TSN: variants seen among roughly 807,000 people sequenced by gnomAD.
TSN encodes translin.
Under a neutral mutation model 29.4 loss-of-function variants are expected in TSN, and 5 were observed. That is an observed-to-expected ratio of 0.17 (90% CI 0.09 to 0.36). The LOEUF (loss-of-function observed/expected upper bound fraction) is 0.36. Ranked by LOEUF, TSN falls within the 10% of genes least tolerant of loss-of-function variation. The pLI is 1.00. For missense variants in TSN, 159 were observed against 272.8 expected (o/e 0.58, Z 2.94); for synonymous variants, 106 against 102.2 (o/e 1.04, Z -0.23).
At chr2:121,761,618 A>C (rs1173952443) in intron 4 of TSN, 94 bp downstream of exon 4, 1 of 981,382 alleles carries the variant, frequency 1.0e-6, no homozygotes, top group African/African-American at 1.6e-5. Context: ...TAAAACAAAC[A>C]AGAATTAACT....
intron 4 of TSN, among the ~76,000 whole-genome samples, chr2:121,762,342 C>G (rs999837181): frequency 6.6e-6 from 1 of 152,026 alleles, no homozygotes; most frequent in Non-Finnish European, 1.5e-5. Context: ...GTTGGCCAGG[C>G]TGGTCTTGAA....
Position 121,766,130 on chromosome 2 carries a change from G to A in TSN, c.*763G>A, listed in dbSNP as rs2074897696. 1 of 152,178 alleles carries A rather than the reference G, an allele frequency of 6.6e-6. No individual in the cohort carries two copies. Among genetic ancestry groups the A allele is most frequent in the Non-Finnish European group, 1.5e-5 (1 of 68,050 alleles). The allele number at this position is 152,178 out of a possible 1,614,324, so 9.4% of individuals were successfully genotyped here. ...TTAAAAATTGTCTTCATGTACATTTGGAACTAACACGTGATGTGATATATT... is the reference window on the plus strand; with the variant it reads ...TTAAAAATTGTCTTCATGTACATTTAGAACTAACACGTGATGTGATATATT... On this transcript the variant is annotated 3_prime_UTR_variant, in exon 6 of 6. Transcript: ENST00000389682.
rs530955585 is a variant in TSN, at chr2:121,766,480, A to C, written c.*1113A>C. ...CACGAAAGCACACACAAAATAAATC[A>C]GTGGGATTTGGTAATGTGTTTTAGA... On this transcript the variant is annotated 3_prime_UTR_variant, in exon 6 of 6. Coordinates refer to ENST00000389682, the MANE Select transcript of TSN (RefSeq NM_004622.3). The C allele has an allele frequency of 6.6e-6, 1 of 152,240 alleles. No homozygotes were observed. Among genetic ancestry groups the C allele is most frequent in the East Asian group, 1.9e-4 (1 of 5,176 alleles). 9.4% of individuals were successfully genotyped at this position (152,240 alleles called of 1,614,324 possible). A position where few individuals can be genotyped will look rare whatever the true frequency, so the allele number is the denominator to read the frequency against.
At chr2:121,760,216 T>G (rs1246782787) in intron 3 of TSN, among the ~76,000 whole-genome samples, 3 of 152,238 alleles carry the variant, frequency 2.0e-5, no homozygotes, top group African/African-American at 7.2e-5. Flanking sequence ...CGAACCCTAT[T>G]GTGGACTGTG....
At chr2:121,757,454 G>A (rs1573386928) in intron 2 of TSN, 121 bp downstream of exon 2, 2 of 1,544,366 alleles carry the variant, frequency 1.3e-6, no homozygotes, top group Non-Finnish European at 1.8e-6. Context: ...AATTGAAGAA[G>A]TAGGTGATTT....
At chr2:121,763,136 AG>A in intron 5 of TSN, 52 bp downstream of exon 5, 496 of 650,432 alleles carry the variant, frequency 7.6e-4, no homozygotes, top group Non-Finnish European at 1.0e-3. Context: ...CTTCACTGTC[AG>A]TTTTTTTTTT....
intron 2 of TSN, 127 bp downstream of exon 2, chr2:121,757,460 G>A (rs1395527671): frequency 1.3e-6 from 2 of 1,536,590 alleles, no homozygotes; most frequent in Non-Finnish European, 1.8e-6. Context: ...AGAAGTAGGT[G>A]ATTTGATAAT....
At chr2:121,757,606 C>G (rs999292684) in intron 2 of TSN, 3 of 472,016 alleles carry the variant, frequency 6.4e-6, no homozygotes, top group Non-Finnish European at 1.1e-5. Context: ...CAGCTCTCTG[C>G]CAGCACAGTA....
In TSN at chr2:121,761,540, AGTGGGAT is replaced by A; in HGVS notation, c.373+17_373+23del. 1 of 1,575,530 alleles carries A rather than the reference AGTGGGAT, an allele frequency of 6.3e-7. No individual in the cohort carries two copies. The highest frequency in any genetic ancestry group is 2.2e-5 in the East Asian group (1 of 44,682). ...ATTCTTGGCAGTAAGTGTCTTTATT[AGTGGGAT>A]CTGCAGAATCAGGCATGGTTGCTTA... On this transcript the variant is annotated intron_variant, in intron 4 of 5. Coordinates refer to ENST00000389682, the MANE Select transcript of TSN (RefSeq NM_004622.3).
chr2:121,758,093 T>C (rs2106452522), intron 2 of TSN, among the ~76,000 whole-genome samples: 1 of 152,294 alleles, frequency 6.6e-6, no homozygotes, highest in African/African-American at 2.4e-5. Flanking sequence ...AGTGATTGAA[T>C]ACCTTTTAAT....
intron 4 of TSN, among the ~76,000 whole-genome samples, chr2:121,762,591 T>C (rs1416011251): frequency 6.6e-6 from 1 of 152,260 alleles, no homozygotes; most frequent in Admixed American, 6.5e-5. Flanking sequence ...GAAAGAATAG[T>C]ACAATGAATA....
chr2:121,758,594 C>A, intron 2 of TSN, 116 bp from the exon 3 acceptor site: 1 of 644,186 alleles, frequency 1.6e-6, no homozygotes, highest in Non-Finnish European at 2.4e-6. Context: ...CAGATGTGTA[C>A]GTTAGTTGTG....
At chr2:121,760,200 G>A (rs568711844) in intron 3 of TSN, among the ~76,000 whole-genome samples, 1 of 152,360 alleles carries the variant, frequency 6.6e-6, no homozygotes, top group African/African-American at 2.4e-5. Context: ...GATTCTCATA[G>A]TAGTGCGAAC....
intron 3 of TSN, among the ~76,000 whole-genome samples, chr2:121,759,828 G>C (rs1004137694): frequency 1.3e-5 from 2 of 152,160 alleles, no homozygotes; most frequent in South Asian, 4.1e-4. Context: ...TAAGGGAGAG[G>C]TTGACAAACC....
In TSN at chr2:121,767,217, G is replaced by A. The variant is rs1228851371; in HGVS notation, c.*1850G>A. On this transcript the variant is annotated 3_prime_UTR_variant, in exon 6 of 6. Coordinates refer to ENST00000389682, the MANE Select transcript of TSN (RefSeq NM_004622.3). Reference sequence around the variant, plus strand: ...GAATTCCATTTGAGGATTTAGAAGTGTCATGTTTATAACTATTCAGTTGTG... The same window carrying A: ...GAATTCCATTTGAGGATTTAGAAGTATCATGTTTATAACTATTCAGTTGTG... 6.6e-6 allele frequency: 1 copy of A among 152,174 alleles called. No individual in the cohort carries two copies. The highest frequency in any genetic ancestry group is 1.9e-4 in the East Asian group (1 of 5,194). 9.4% of individuals were successfully genotyped at this position (152,174 alleles called of 1,614,324 possible).
chr2:121,762,487 A>T (rs189870319), intron 4 of TSN, among the ~76,000 whole-genome samples: 1 of 152,354 alleles, frequency 6.6e-6, no homozygotes, highest in Admixed American at 6.5e-5. Flanking sequence ...CTACCTGGAA[A>T]TGTAAAAGCT....
At chr2:121,756,954 T>C (rs2074758919) in intron 1 of TSN, among the ~76,000 whole-genome samples, 1 of 152,110 alleles carries the variant, frequency 6.6e-6, no homozygotes, top group Non-Finnish European at 1.5e-5. Context: ...ACCCGACTCT[T>C]GTGTTGCATT....
intron 5 of TSN, among the ~76,000 whole-genome samples, chr2:121,763,561 C>T (rs2074862250): frequency 6.6e-6 from 1 of 152,178 alleles, no homozygotes; most frequent in African/African-American, 2.4e-5. Context: ...ATTTACTAGG[C>T]ATCAGAGAAA....
intron 5 of TSN, among the ~76,000 whole-genome samples, chr2:121,764,736 G>C (rs1386705321): frequency 6.6e-6 from 1 of 152,102 alleles, no homozygotes; most frequent in Non-Finnish European, 1.5e-5. Context: ...TGGAGTTGCA[G>C]CTTAGTAGGT....
Sources: gnomAD v4.1 joint callset for allele counts (sites outside exome capture counted in the v4.1 genomes callset) on GRCh38, gnomAD v4.1.1 for gene constraint, MANE v1.5 for transcripts, NCBI Gene and HGNC (gene_info 2026-07-23, HGNC 2026-07-21) for gene names.